Variants in CGRRF1 observed in about 807,000 individuals in gnomAD.
The protein encoded by CGRRF1 is cell growth regulator with RING finger domain protein 1.
CGRRF1 carries 32 observed loss-of-function variants against 37.2 expected under a neutral mutation model. That is an observed-to-expected ratio of 0.86 (90% confidence interval 0.65 to 1.16). CGRRF1 has a LOEUF of 1.16. CGRRF1 is among the 50% of genes most tolerant of loss of function. The pLI, the probability that CGRRF1 is intolerant of heterozygous loss-of-function variation, is 0.00. For synonymous variants in CGRRF1, 141 were observed against 140.3 expected (o/e 1.00, Z -0.04); for missense variants, 391 against 382.6 (o/e 1.02, Z -0.18).
chr14:54,525,325 C>T (rs2032394395), intron 2 of CGRRF1, among the ~76,000 whole-genome samples: 1 of 152,140 alleles, frequency 6.6e-6, no homozygotes, highest in Non-Finnish European at 1.5e-5. Context: ...GCTTTTCAGG[C>T]AGAAATAGTC....
chr14:54,520,747 C>G (rs80122061), intron 1 of CGRRF1, among the ~76,000 whole-genome samples: 3,463 of 152,298 alleles, frequency 0.023, 94 homozygotes, highest in East Asian at 0.095. Context: ...TTCCTTTTCA[C>G]TGCTGAATAC....
chr14:54,530,228 T>C lies in CGRRF1; in HGVS notation c.422+2T>C, dbSNP rs2032488862. On this transcript the variant is annotated splice_donor_variant, in intron 3 of 5. Transcript: ENST00000216420. LOFTEE classifies it high-confidence loss of function. The stretch of plus-strand genomic sequence containing the variant: ...ATATCTCTATCAGGAACAGTATTTG[T>C]ATCCTTTCGTCTGATATACCCATTA... The C allele has an allele frequency of 2.5e-6, 4 of 1,593,402 alleles. No homozygotes were observed. The highest frequency in any genetic ancestry group is 3.4e-6 in the Non-Finnish European group (4 of 1,163,540).
At chr14:54,523,639 A>G (rs1306431631) in intron 2 of CGRRF1, among the ~76,000 whole-genome samples, 1 of 152,060 alleles carries the variant, frequency 6.6e-6, no homozygotes, top group Non-Finnish European at 1.5e-5. Flanking sequence ...TGGCTAAAGC[A>G]TAGGATGGGA....
chr14:54,520,748 T>A (rs1268567141), intron 1 of CGRRF1, among the ~76,000 whole-genome samples: 3 of 152,252 alleles, frequency 2.0e-5, no homozygotes, highest in African/African-American at 7.2e-5. Flanking sequence ...TCCTTTTCAC[T>A]GCTGAATACT....
intron 1 of CGRRF1, among the ~76,000 whole-genome samples, chr14:54,512,908 GT>G (rs1398793841): frequency 6.6e-5 from 10 of 152,036 alleles, no homozygotes; most frequent in Non-Finnish European, 1.3e-4. Flanking sequence ...CTGTTCCCTT[GT>G]CCTAGGAGTG....
chr14:54,510,149 G>T lies in CGRRF1; in HGVS notation c.104+86G>T, dbSNP rs992308763. ...GCAGCAGGGGGCACCGGAGCCGGAG[G>T]GCCGCGGGCCGGAGGACGTCGGGGA... On this transcript the variant is annotated intron_variant, in intron 1 of 5. Transcript: ENST00000216420. 4.6e-5 allele frequency: 45 copies of T among 981,476 alleles called. No homozygotes were observed. In the Admixed American group the frequency reaches 8.7e-4, roughly 19 times the overall value. The allele number at this position is 981,476 out of a possible 1,614,324, so 60.8% of individuals were successfully genotyped here. A position where few individuals can be genotyped will look rare whatever the true frequency, so the allele number is the denominator to read the frequency against.
chr14:54,525,631 A>C (rs1206493905), intron 2 of CGRRF1, among the ~76,000 whole-genome samples: 1 of 152,246 alleles, frequency 6.6e-6, no homozygotes. Context: ...GGTATCATTA[A>C]AGATGTCTAT....
chr14:54,521,093 A>G (rs1377165614), intron 1 of CGRRF1, among the ~76,000 whole-genome samples: 2 of 152,190 alleles, frequency 1.3e-5, no homozygotes, highest in Non-Finnish European at 2.9e-5. Context: ...GGGCATTGTC[A>G]GAGTTTACAT....
intron 3 of CGRRF1, 50 bp downstream of exon 3, chr14:54,530,276 T>G (rs141404335): frequency 0.012 from 17,456 of 1,450,288 alleles, 631 homozygotes; most frequent in East Asian, 0.1. Context: ...AGACTTCTTA[T>G]GGATAAAGTG....
Position 54,530,223 on chromosome 14 carries a change from A to G in CGRRF1, c.419A>G (p.Tyr140Cys), listed in dbSNP as rs1167521679. 7 of 1,595,594 alleles carry G rather than the reference A, an allele frequency of 4.4e-6. 1 individual carries two copies. The highest frequency in any genetic ancestry group is 3.3e-4 in the Middle Eastern group (2 of 6,014). Residue 140 changes from tyrosine to cysteine, a missense_variant, in exon 3 of 6, where the codon TAT (tyrosine) becomes TGT (cysteine). Tyr to Cys is a radical substitution (Grantham distance 194). Coordinates refer to ENST00000216420, the MANE Select transcript of CGRRF1 (RefSeq NM_006568.3). ...LYSEYLYQEQ[Y>C]FIKKDSKEEI... Reference sequence around the variant, plus strand: ...AGTGAATATCTCTATCAGGAACAGTATTTGTATCCTTTCGTCTGATATACC... The same window carrying G: ...AGTGAATATCTCTATCAGGAACAGTGTTTGTATCCTTTCGTCTGATATACC...
chr14:54,535,377 A>ACACACACACACG (rs2140067591), intron 4 of CGRRF1, among the ~76,000 whole-genome samples: 1 of 151,784 alleles, frequency 6.6e-6, no homozygotes, highest in East Asian at 1.9e-4. Context: ...ACACACACAC[A>ACACACACACACG]CACACACACA....
At chr14:54,518,768 G>T (rs1022619744) in intron 1 of CGRRF1, among the ~76,000 whole-genome samples, 37 of 152,048 alleles carry the variant, frequency 2.4e-4, no homozygotes, top group Non-Finnish European at 4.1e-4. Context: ...TGTTCATGTG[G>T]TTTGCCTACT....
chr14:54,521,578 C>G (rs1196641591), intron 1 of CGRRF1, among the ~76,000 whole-genome samples: 3 of 151,400 alleles, frequency 2.0e-5, no homozygotes, highest in Non-Finnish European at 4.4e-5. Context: ...GATCTCGGCT[C>G]ACTGCAACCT....
chr14:54,525,063 A>T (rs199512082), intron 2 of CGRRF1, among the ~76,000 whole-genome samples: 2 of 152,056 alleles, frequency 1.3e-5, no homozygotes, highest in East Asian at 3.9e-4. Flanking sequence ...TAAAATAAAA[A>T]ATCAAGTGTA....
intron 1 of CGRRF1, among the ~76,000 whole-genome samples, chr14:54,513,447 A>T (rs2032161501): frequency 6.6e-6 from 1 of 152,240 alleles, no homozygotes; most frequent in Admixed American, 6.5e-5. Context: ...AGCAAATGAC[A>T]AACTCAGGTC....
chr14:54,524,786 C>T (rs967009645), intron 2 of CGRRF1, among the ~76,000 whole-genome samples: 2 of 152,136 alleles, frequency 1.3e-5, no homozygotes, highest in East Asian at 1.9e-4. Context: ...CACTCCCCTC[C>T]CCGCTCCTTC....
intron 4 of CGRRF1, among the ~76,000 whole-genome samples, chr14:54,533,498 C>T (rs1369464647): frequency 6.6e-6 from 1 of 152,060 alleles, no homozygotes; most frequent in Non-Finnish European, 1.5e-5. Context: ...TATTGGCACT[C>T]AAATATATTT....
At chr14:54,536,911 G>T (rs58230752) in intron 4 of CGRRF1, 1 of 152,006 alleles carries the variant, frequency 6.6e-6, no homozygotes, top group South Asian at 2.1e-4. Flanking sequence ...CTTACACTGA[G>T]ACTAAAATGG....
At chr14:54,531,490 T>C (rs2032513587) in intron 4 of CGRRF1, among the ~76,000 whole-genome samples, 1 of 152,144 alleles carries the variant, frequency 6.6e-6, no homozygotes, top group African/African-American at 2.4e-5. Flanking sequence ...ATTTGCTGTA[T>C]AGAAACAGTC....
Sources: gnomAD v4.1 joint callset for allele counts (sites outside exome capture counted in the v4.1 genomes callset) on GRCh38, gnomAD v4.1.1 for gene constraint, MANE v1.5 for transcripts, NCBI Gene and HGNC (gene_info 2026-07-23, HGNC 2026-07-21) for gene names.